Variants in DNAH3 observed in about 807,000 individuals in gnomAD.
DNAH3 encodes dynein axonemal heavy chain 3, also known as axonemal beta dynein heavy chain 3.
A neutral mutation model predicts 432.5 loss-of-function variants in DNAH3; 332 were observed. The observed-to-expected ratio is 0.77, with a 90% confidence interval of 0.70 to 0.84. DNAH3 has a LOEUF of 0.84. Among genes scored for constraint, DNAH3 ranks in the 40% least tolerant of loss-of-function variants. The pLI is 0.00. For missense variants in DNAH3, 4,861 were observed against 5,114.0 expected, an observed-to-expected ratio of 0.95 and a Z score of 1.51; for synonymous variants, 1,956 against 1,900.2, an observed-to-expected ratio of 1.03 and a Z score of -0.76.
chr16:21,117,381 A>T, intron 11 of DNAH3, 42 bp from the exon 12 acceptor site: 1 of 1,135,312 alleles, frequency 8.8e-7, no homozygotes, highest in Non-Finnish European at 1.3e-6. Flanking sequence ...AAGACTTAAG[A>T]AGGGAGATGG....
At chr16:21,126,627 A>G (rs1377139483) in intron 8 of DNAH3, among the ~76,000 whole-genome samples, 2 of 152,184 alleles carry the variant, frequency 1.3e-5, no homozygotes, top group Non-Finnish European at 2.9e-5. Context: ...CAAGGTCTAA[A>G]GCAGGGGTCC....
intron 58 of DNAH3, among the ~76,000 whole-genome samples, chr16:20,942,138 C>G (rs2083839325): frequency 6.6e-6 from 1 of 151,880 alleles, no homozygotes; most frequent in African/African-American, 2.4e-5. Context: ...GAAGGGAACT[C>G]TTGCTCAGCC....
intron 24 of DNAH3, 40 bp from the exon 25 acceptor site, chr16:21,062,723 C>T (rs1277875902): frequency 6.4e-7 from 1 of 1,554,594 alleles, no homozygotes; most frequent in East Asian, 2.3e-5. Context: ...GGAACCTCTT[C>T]CAAGAACTTT....
intron 27 of DNAH3, among the ~76,000 whole-genome samples, chr16:21,056,568 A>T (rs2090144641): frequency 6.6e-6 from 1 of 152,150 alleles, no homozygotes; most frequent in African/African-American, 2.4e-5. Flanking sequence ...TCTCATTCAC[A>T]TCTAATTACC....
chr16:20,974,554 C>T (rs1017817826), intron 51 of DNAH3, among the ~76,000 whole-genome samples: 3 of 150,314 alleles, frequency 2.0e-5, no homozygotes, highest in African/African-American at 7.3e-5. Flanking sequence ...CATGGGTGTG[C>T]CACTACACCT....
chr16:20,963,987 C>T (rs749888437), exon 53 of DNAH3: 15 of 1,614,160 alleles, frequency 9.3e-6, no homozygotes, highest in Non-Finnish European at 1.1e-5. Context: ...TGGCAGAATG[C>T]ACAGCCACTG....
At chr16:21,037,881 A>C in exon 34 of DNAH3, 1 of 1,614,194 alleles carries the variant, frequency 6.2e-7, no homozygotes, top group Non-Finnish European at 8.5e-7. Flanking sequence ...CTGCGGCAGT[A>C]AGCACAGACT....
chr16:21,038,493 G>C (rs1039412225), intron 33 of DNAH3, among the ~76,000 whole-genome samples: 4 of 152,162 alleles, frequency 2.6e-5, no homozygotes, highest in Non-Finnish European at 4.4e-5. Context: ...ACTCCACTTT[G>C]GATTTTCAGA....
intron 20 of DNAH3, among the ~76,000 whole-genome samples, chr16:21,080,855 C>G (rs2091159474): frequency 6.6e-6 from 1 of 152,150 alleles, no homozygotes; most frequent in South Asian, 2.1e-4. Flanking sequence ...TGGTAAAATT[C>G]TCACACACAA....
At chr16:21,019,319 G>C (rs1190460057) in intron 41 of DNAH3, 2 of 348,624 alleles carry the variant, frequency 5.7e-6, no homozygotes, top group African/African-American at 4.2e-5. Context: ...ACCACACCCA[G>C]CTAATTTTGT....
intron 49 of DNAH3, among the ~76,000 whole-genome samples, chr16:20,981,967 A>G (rs376032272): frequency 6.8e-6 from 1 of 147,210 alleles, no homozygotes; most frequent in East Asian, 2.0e-4. Flanking sequence ...TATATTATAT[A>G]TAATAAAGCA....
intron 41 of DNAH3, among the ~76,000 whole-genome samples, chr16:21,013,405 A>C (rs565667253): frequency 6.6e-6 from 1 of 152,200 alleles, no homozygotes; most frequent in Non-Finnish European, 1.5e-5. Context: ...TTAACCAAGA[A>C]AAAAAGAGAA....
intron 18 of DNAH3, among the ~76,000 whole-genome samples, chr16:21,091,643 C>A (rs1036882950): frequency 3.3e-5 from 5 of 152,052 alleles, no homozygotes; most frequent in Admixed American, 1.3e-4. Context: ...TGGTGAAACC[C>A]TGTCTCTACC....
chr16:21,082,102 GT>G (rs1187250830), intron 19 of DNAH3, among the ~76,000 whole-genome samples: 1 of 151,890 alleles, frequency 6.6e-6, no homozygotes, highest in African/African-American at 2.4e-5. Flanking sequence ...GTCTTGCTGT[GT>G]TGCTCAAAGT....
chr16:21,140,899 C>T (rs2092710195), intron 4 of DNAH3, among the ~76,000 whole-genome samples, 189 bp from the exon 6 acceptor site: 1 of 152,092 alleles, frequency 6.6e-6, no homozygotes, highest in African/African-American at 2.4e-5. Context: ...GGTATTTTAG[C>T]ATGGTTTTGT....
intron 56 of DNAH3, among the ~76,000 whole-genome samples, chr16:20,950,833 T>G (rs1283942404): frequency 6.6e-6 from 1 of 152,088 alleles, no homozygotes; most frequent in African/African-American, 2.4e-5. Flanking sequence ...TGTGTGTATG[T>G]TTTTTAAGAG....
At chr16:20,994,459 A>T (rs2086681800) in intron 44 of DNAH3, among the ~76,000 whole-genome samples, 1 of 152,210 alleles carries the variant, frequency 6.6e-6, no homozygotes, top group Non-Finnish European at 1.5e-5. Context: ...ATTAAATAAA[A>T]AAATAAAAAG....
At chr16:21,067,772 G>GGGGGGGAGAGAGA (rs1555545837) in intron 23 of DNAH3, among the ~76,000 whole-genome samples, 1 of 23,718 alleles carries the variant, frequency 4.2e-5, no homozygotes, top group Non-Finnish European at 7.1e-5. Context: ...GGGGGGGTGG[G>GGGGGGGAGAGAGA]GAGGGAGAGA....
intron 48 of DNAH3, 117 bp downstream of exon 48, chr16:20,984,932 T>C: frequency 1.1e-6 from 1 of 892,808 alleles, no homozygotes; most frequent in African/African-American, 1.7e-5. Context: ...GACCCCGAGC[T>C]GGTGCGTTGG....
Sources: gnomAD v4.1 joint callset for allele counts (sites outside exome capture counted in the v4.1 genomes callset) on GRCh38, gnomAD v4.1.1 for gene constraint, MANE v1.5 for transcripts, NCBI Gene and HGNC (gene_info 2026-07-23, HGNC 2026-07-21) for gene names.